The following TMEM67 variants were observed in gnomAD, a reference collection of about 807,000 sequenced individuals.
TMEM67 encodes the protein meckelin.
TMEM67 carries 124 observed loss-of-function variants against 136.6 expected under a neutral mutation model. The observed-to-expected ratio is 0.91, with a 90% CI of 0.78 to 1.05. TMEM67 has a LOEUF of 1.05. Ranked by LOEUF, TMEM67 falls within the 50% of genes least tolerant of loss-of-function variation. The probability of loss-of-function intolerance (pLI) is 0.00; values close to 1 mark genes in which losing one functional copy is unlikely to be tolerated. For missense variants in TMEM67, 1,107 were observed against 1,178.4 expected (o/e 0.94, Z 0.89); for synonymous variants, 364 against 390.5 (o/e 0.93, Z 0.80).
chr8:93,786,138 G>A, intron 12 of TMEM67, 85 bp from the exon 13 acceptor site: 1 of 1,343,408 alleles, frequency 7.4e-7, no homozygotes. Context: ...TCTTATACTA[G>A]TAGCTTTTTG....
At position 93,818,086 on chromosome 8, in the gene TMEM67, T is replaced by G. The variant is rs1234909576; in HGVS notation, c.*1634T>G. ...TAAATTTTGTATGATATTTTTATTT[T>G]GGCTAGGTGCATAAAAATGTGTTCA... On this transcript the variant is annotated 3_prime_UTR_variant, in exon 28 of 28. Coordinates refer to ENST00000453321, the MANE Select transcript of TMEM67 (RefSeq NM_153704.6). The G allele has an allele frequency of 1.3e-5, 2 of 152,246 alleles. No homozygotes were observed. The highest frequency in any genetic ancestry group is 2.9e-5 in the Non-Finnish European group (2 of 68,040). The allele number at this position is 152,246 out of a possible 1,614,324, so 9.4% of individuals were successfully genotyped here.
Position 93,787,920 on chromosome 8 carries a change from A to C in TMEM67, c.1489A>C (p.Ile497Leu), listed in dbSNP as rs1357065246. 1 of 1,613,912 alleles carries C rather than the reference A, an allele frequency of 6.2e-7. No homozygotes were observed. Among genetic ancestry groups the C allele is most frequent in the African/African-American group, 1.3e-5 (1 of 74,918 alleles). ...LITIAYSDID[I>L]KDANSQSVKV... is the part of the protein sequence containing the mutation. ...CACCATTGCCTACAGTGACATTGAT[A>C]TCAAAGATGCCAACAGCCAGTCTGT... The change falls in exon 14 of 28, where the codon ATC becomes CTC. Residue 497 changes from isoleucine (I) to leucine (L), a missense_variant. Coordinates refer to ENST00000453321, the MANE Select transcript of TMEM67 (RefSeq NM_153704.6).
rs78018034 is a variant in TMEM67, at chr8:93,800,431, G to A, written c.2241+673G>A. 4.7e-3 allele frequency among the ~76,000 whole-genome samples: 723 copies of A among 152,236 alleles called. 1 individual carries two copies. The highest frequency in any genetic ancestry group is 0.016 in the African/African-American group (674 of 41,528). On this transcript the variant is annotated intron_variant, in intron 21 of 27. Coordinates refer to ENST00000453321, the MANE Select transcript of TMEM67 (RefSeq NM_153704.6). ...GAGGGCCAACTTTCTGTATAGATGG[G>A]TTCCAGCAGGACTGAATATGGGACT...
Position 93,799,982 on chromosome 8 carries a change from A to G in TMEM67, c.2241+224A>G, listed in dbSNP as rs182051794. Among the ~76,000 whole-genome samples the G allele has an allele frequency of 4.5e-4, 64 of 143,804 alleles. 1 individual carries two copies. Among genetic ancestry groups the G allele is most frequent in the Non-Finnish European group, 7.4e-4 (50 of 67,222 alleles). The allele number at this position is 143,804 out of a possible 152,430, so 94.3% of individuals were successfully genotyped here. The stretch of plus-strand genomic sequence containing the variant: ...GAGTGCAGTGGCATGATCTTGGTTC[A>G]CTGCAGCCTCTGCCTTCCGGGTTCA... On this transcript the variant is annotated intron_variant, in intron 21 of 27. Coordinates refer to ENST00000453321, the MANE Select transcript of TMEM67 (RefSeq NM_153704.6).
chr8:93,819,004 C>T, downstream of TMEM67: 1 of 429,854 alleles, frequency 2.3e-6, no homozygotes, highest in Non-Finnish European at 4.5e-6. Flanking sequence ...AAGGGTTCAC[C>T]ATGTTGCCCA....
chr8:93,792,024 G>C (rs1202721236), intron 15 of TMEM67: 1 of 155,456 alleles, frequency 6.4e-6, no homozygotes, highest in Admixed American at 6.5e-5. Context: ...ACCACACCCA[G>C]CTAATTTTTG....
intron 21 of TMEM67, among the ~76,000 whole-genome samples, chr8:93,803,236 T>C (rs1484908898): frequency 6.6e-6 from 1 of 152,222 alleles, no homozygotes; most frequent in African/African-American, 2.4e-5. Context: ...CATTTTCTCA[T>C]GTCTTGAAAT....
At chr8:93,831,894 T>A in the TMEM67 span, among the ~76,000 whole-genome samples, 1 of 152,212 alleles carries the variant, frequency 6.6e-6, no homozygotes, top group African/African-American at 2.4e-5. Context: ...ACCATTAACA[T>A]TAGACAACTG....
At position 93,786,340 on chromosome 8, in the gene TMEM67, CACTGAGGTAAACA is replaced by C; in HGVS notation, c.1408_1412+8del. 6.2e-7 allele frequency: 1 copy of C among 1,613,796 alleles called. No homozygotes were observed. The highest frequency in any genetic ancestry group is 8.5e-7 in the Non-Finnish European group (1 of 1,179,872). On this transcript the variant is annotated splice_donor_variant and splice_donor_5th_base_variant and coding_sequence_variant and intron_variant, in exon 13 of 28. Transcript: ENST00000453321. LOFTEE classifies it high-confidence loss of function. ...GTAATTCGAGTTGCTACTCAAATAT[CACTGAGGTAAACA>C]AATGTCTAATGATATTATTTATGGG...
chr8:93,765,442 C>T lies in TMEM67; in HGVS notation c.543C>T (p.Ser181=). 2.5e-6 allele frequency: 4 copies of T among 1,611,930 alleles called. No individual in the cohort carries two copies. The highest frequency in any genetic ancestry group is 3.4e-6 in the Non-Finnish European group (4 of 1,179,750). The change falls in exon 5 of 28, where the codon AGC becomes AGT. Residue 181 remains serine (S), a synonymous_variant. Transcript: ENST00000453321. Reference sequence around the variant, plus strand: ...GTGAGCCAACATTTGTTAATACCAGCAGGTCCTGTGCATGTTCAGAACCTA... The same window carrying T: ...GTGAGCCAACATTTGTTAATACCAGTAGGTCCTGTGCATGTTCAGAACCTA... ...VRCEPTFVNT[S]RSCACSEPNI...
intron 16 of TMEM67, 53 bp from the exon 17 acceptor site, chr8:93,795,356 G>T: frequency 1.4e-6 from 2 of 1,381,630 alleles, no homozygotes; most frequent in Non-Finnish European, 2.1e-6. Flanking sequence ...GTTACTAAAA[G>T]TGGTATATAC....
intron 23 of TMEM67, among the ~76,000 whole-genome samples, chr8:93,806,985 A>G (rs1023762989): frequency 6.6e-6 from 1 of 152,150 alleles, no homozygotes; most frequent in Admixed American, 6.5e-5. Flanking sequence ...AAATCAAGAA[A>G]ACACTAAATT....
chr8:93,776,816 T>C (rs1319323435), intron 7 of TMEM67, among the ~76,000 whole-genome samples: 1 of 152,252 alleles, frequency 6.6e-6, no homozygotes, highest in Non-Finnish European at 1.5e-5. Flanking sequence ...AAATTCTCTT[T>C]TTTTGTTGTA....
chr8:93,813,670 A>G (rs1808788357), intron 26 of TMEM67, among the ~76,000 whole-genome samples: 1 of 152,202 alleles, frequency 6.6e-6, no homozygotes, highest in Non-Finnish European at 1.5e-5. Flanking sequence ...AGGGAGGATC[A>G]GGTTTTGAGG....
chr8:93,758,589 T>C lies in TMEM67; in HGVS notation c.406+13T>C. 6.3e-7 allele frequency: 1 copy of C among 1,588,414 alleles called. No homozygotes were observed. Among genetic ancestry groups the C allele is most frequent in the Non-Finnish European group, 8.6e-7 (1 of 1,156,792 alleles). On this transcript the variant is annotated intron_variant, in intron 3 of 27. Coordinates refer to ENST00000453321, the MANE Select transcript of TMEM67 (RefSeq NM_153704.6). ...GGCCATATTTTAGGTAAGAATTAGA[T>C]TCCTTATAAAGAAGTAGTGATAAAT...
chr8:93,813,545 G>A (rs576569061), intron 26 of TMEM67, among the ~76,000 whole-genome samples: 2 of 152,330 alleles, frequency 1.3e-5, no homozygotes, highest in African/African-American at 4.8e-5. Flanking sequence ...TGGGGCTAGA[G>A]AAGAAGAAAG....
At chr8:93,793,141 T>G in intron 15 of TMEM67, 57 bp from the exon 16 acceptor site, 3 of 1,510,796 alleles carry the variant, frequency 2.0e-6, no homozygotes, top group Non-Finnish European at 2.8e-6. Context: ...TTCACAGTGT[T>G]TTTGAACACC....
chr8:93,790,264 G>GA (rs1276115100), intron 14 of TMEM67, among the ~76,000 whole-genome samples: 2 of 152,066 alleles, frequency 1.3e-5, no homozygotes, highest in African/African-American at 2.4e-5. Flanking sequence ...CATCTAATAT[G>GA]AATTCCTTAA....
At chr8:93,811,490 A>G (rs987643118) in intron 26 of TMEM67, among the ~76,000 whole-genome samples, 2 of 152,236 alleles carry the variant, frequency 1.3e-5, no homozygotes, top group African/African-American at 4.8e-5. Context: ...CTTGCCTGAT[A>G]CACTAAGGAA....
Sources: gnomAD v4.1 joint callset for allele counts (sites outside exome capture counted in the v4.1 genomes callset) on GRCh38, gnomAD v4.1.1 for gene constraint, MANE v1.5 for transcripts, NCBI Gene and HGNC (gene_info 2026-07-23, HGNC 2026-07-21) for gene names.